Variants in ZBTB46 observed in about 807,000 individuals in gnomAD.
ZBTB46 encodes the protein zinc finger and BTB domain containing 46, also known as zinc finger and BTB domain-containing protein 46.
A neutral mutation model predicts 44.1 loss-of-function variants in ZBTB46; 8 were observed. The observed-to-expected ratio is 0.18, with a 90% CI of 0.11 to 0.33. The LOEUF is 0.33. Ranked by LOEUF, ZBTB46 falls within the 10% of genes least tolerant of loss-of-function variation. The pLI is 1.00. For synonymous variants in ZBTB46, 409 were observed against 382.3 expected (o/e 1.07, Z -0.81); for missense variants, 651 against 847.7 (o/e 0.77, Z 2.88).
At chr20:63,829,820 G>A (rs1156781425) in intron 1 of ZBTB46, among the ~76,000 whole-genome samples, 1 of 152,220 alleles carries the variant, frequency 6.6e-6, no homozygotes, top group African/African-American at 2.4e-5. Flanking sequence ...AGTGCCAGCA[G>A]CAGAGATGTA....
intron 2 of ZBTB46, among the ~76,000 whole-genome samples, 197 bp from the exon 3 acceptor site, chr20:63,776,159 C>T (rs1041026010): frequency 1.3e-5 from 2 of 152,268 alleles, no homozygotes; most frequent in South Asian, 4.1e-4. Flanking sequence ...TTCCTGCCCA[C>T]CCAGGTCCCA....
chr20:63,772,243 G>A (rs1448271572), intron 3 of ZBTB46, among the ~76,000 whole-genome samples: 1 of 151,988 alleles, frequency 6.6e-6, no homozygotes, highest in Non-Finnish European at 1.5e-5. Flanking sequence ...TGATCCACCT[G>A]CCTTGGCCTC....
chr20:63,782,463 C>T (rs1319283715), intron 2 of ZBTB46, among the ~76,000 whole-genome samples: 1 of 152,214 alleles, frequency 6.6e-6, no homozygotes, highest in Non-Finnish European at 1.5e-5. Flanking sequence ...GGATGCAGCC[C>T]TGCCGGCTGC....
At chr20:63,749,981 C>T (rs2092145361) in intron 4 of ZBTB46, among the ~76,000 whole-genome samples, 1 of 152,246 alleles carries the variant, frequency 6.6e-6, no homozygotes, top group Non-Finnish European at 1.5e-5. Context: ...TGCAAGAGCA[C>T]GGCTGGCCCA....
chr20:63,777,011 GCACACGCCACGGTTCCAC>G lies in ZBTB46; in HGVS notation c.938-1067_938-1050del, dbSNP rs1206458534. On this transcript the variant is annotated intron_variant, in intron 2 of 4. Coordinates refer to ENST00000245663, the MANE Select transcript of ZBTB46 (RefSeq NM_001369741.1). ...GATTCCACCACACAATACGGTTCCA[GCACACGCCACGGTTCCAC>G]CACACGCCACGGTTCCACCACACGC... 7.4e-5 allele frequency among the ~76,000 whole-genome samples: 11 copies of G among 148,496 alleles called. 1 individual carries two copies. The highest frequency in any genetic ancestry group is 6.0e-4 in the East Asian group (3 of 5,042).
chr20:63,781,491 A>C (rs1419668834), intron 2 of ZBTB46, among the ~76,000 whole-genome samples: 1 of 152,190 alleles, frequency 6.6e-6, no homozygotes, highest in Non-Finnish European at 1.5e-5. Context: ...AAGAAATGCA[A>C]ATCAAAGACC....
At chr20:63,831,869 C>T (rs952130114), upstream of ZBTB46, among the ~76,000 whole-genome samples, 2 of 151,798 alleles carry the variant, frequency 1.3e-5, no homozygotes, top group Admixed American at 6.6e-5. Context: ...GCGGGCCGCT[C>T]GCGGTGCGGA....
intron 1 of ZBTB46, among the ~76,000 whole-genome samples, chr20:63,818,377 C>T (rs2092772072): frequency 6.6e-6 from 1 of 152,208 alleles, no homozygotes; most frequent in African/African-American, 2.4e-5. Context: ...AGGTCCAACC[C>T]TGGGTCTTCG....
At chr20:63,802,531 C>T (rs1404741753) in intron 1 of ZBTB46, among the ~76,000 whole-genome samples, 11 of 152,170 alleles carry the variant, frequency 7.2e-5, no homozygotes, top group African/African-American at 2.2e-4. Flanking sequence ...GCGGAGGCCC[C>T]GGCAAGAGGC....
chr20:63,795,566 C>G (rs1044299106), intron 1 of ZBTB46, among the ~76,000 whole-genome samples: 3 of 152,234 alleles, frequency 2.0e-5, no homozygotes, highest in African/African-American at 7.2e-5. Flanking sequence ...TGCACGCTAA[C>G]GAACTGAGGG....
chr20:63,752,589 G>A lies in ZBTB46; in HGVS notation c.1398+97C>T, dbSNP rs2092179227. The stretch of plus-strand genomic sequence containing the variant: ...CCCCCCTGTGCAGAGTGGACCCGGT[G>A]TGGGGTCCGGGGCGGTCTGCGCCCT... On this transcript the variant is annotated intron_variant, in intron 4 of 4. Transcript: ENST00000245663. The surrounding 1 kb of genome is among the most constrained non-coding windows in gnomAD (Gnocchi z 5.6). 1.5e-6 allele frequency: 2 copies of A among 1,350,988 alleles called. No homozygotes were observed. Among genetic ancestry groups the A allele is most frequent in the African/African-American group, 1.5e-5 (1 of 66,708 alleles). 83.7% of individuals were successfully genotyped at this position (1,350,988 alleles called of 1,614,324 possible). A position where few individuals can be genotyped will look rare whatever the true frequency, so the allele number is the denominator to read the frequency against.
At chr20:63,765,787 A>T (rs1292270180) in intron 3 of ZBTB46, among the ~76,000 whole-genome samples, 2 of 152,276 alleles carry the variant, frequency 1.3e-5, no homozygotes, top group Non-Finnish European at 2.9e-5. Context: ...AAGTAGGGAT[A>T]AAGTCATACT....
chr20:63,755,294 T>C (rs2092209736), intron 3 of ZBTB46, among the ~76,000 whole-genome samples: 2 of 152,250 alleles, frequency 1.3e-5, no homozygotes, highest in Admixed American at 6.5e-5. Context: ...CTTGCAGTTC[T>C]GGAGGCCAAA....
chr20:63,749,546 C>CAGGATGG (rs1171790207), intron 4 of ZBTB46, among the ~76,000 whole-genome samples: 1 of 152,190 alleles, frequency 6.6e-6, no homozygotes, highest in Non-Finnish European at 1.5e-5. Context: ...CCGTGTTAGC[C>CAGGATGG]AGGATGGTCT....
At chr20:63,797,421 G>A (rs2092612167) in intron 1 of ZBTB46, among the ~76,000 whole-genome samples, 2 of 152,098 alleles carry the variant, frequency 1.3e-5, no homozygotes, top group African/African-American at 2.4e-5. Context: ...GTTTGGGTTG[G>A]TTCCAAGTCT....
At chr20:63,802,939 A>G (rs1452651255) in intron 1 of ZBTB46, among the ~76,000 whole-genome samples, 1 of 152,154 alleles carries the variant, frequency 6.6e-6, no homozygotes, top group Non-Finnish European at 1.5e-5. Context: ...GAGGGAACAG[A>G]TGTCTGTTGT....
At chr20:63,797,866 T>C (rs1015176783) in intron 1 of ZBTB46, among the ~76,000 whole-genome samples, 2 of 152,248 alleles carry the variant, frequency 1.3e-5, no homozygotes, top group Non-Finnish European at 2.9e-5. Flanking sequence ...TTTTTTCTTG[T>C]AAAGTTGTTT....
Position 63,747,316 on chromosome 20 carries a change from C to G in ZBTB46, c.1399-15G>C. 2 of 1,181,924 alleles carry G rather than the reference C, an allele frequency of 1.7e-6. No individual in the cohort carries two copies. Among genetic ancestry groups the G allele is most frequent in the South Asian group, 3.7e-5 (2 of 53,876 alleles). 73.2% of individuals were successfully genotyped at this position (1,181,924 alleles called of 1,614,324 possible). A position where few individuals can be genotyped will look rare whatever the true frequency, so the allele number is the denominator to read the frequency against. On this transcript the variant is annotated splice_polypyrimidine_tract_variant and intron_variant, in intron 4 of 4. Transcript: ENST00000245663. ...TTGCTGTGGACCTGCAGAGGCAGGG[C>G]AGGGGGTGAGCAGGGCCTGGTGGGT...
At chr20:63,807,859 T>A (rs983886189) in intron 1 of ZBTB46, among the ~76,000 whole-genome samples, 4 of 152,250 alleles carry the variant, frequency 2.6e-5, no homozygotes, top group Middle Eastern at 3.2e-3. Context: ...GCTCGCCCGG[T>A]GTCTGGCCTC....
Sources: allele counts gnomAD v4.1 joint callset (sites outside exome capture counted in the v4.1 genomes callset), GRCh38; gene constraint gnomAD v4.1.1; non-coding constraint Gnocchi (gnomAD v3.1); transcripts MANE v1.5; gene names NCBI Gene and HGNC (gene_info 2026-07-23, HGNC 2026-07-21).